Variants in LRRTM4 observed in about 807,000 individuals in gnomAD.
The protein encoded by LRRTM4 is leucine rich repeat transmembrane neuronal 4.
LRRTM4 carries 25 observed loss-of-function variants against 47.6 expected under a neutral mutation model. That is an observed-to-expected ratio of 0.53 (90% CI 0.38 to 0.73). The LOEUF (loss-of-function observed/expected upper bound fraction) is 0.73. Ranked by LOEUF, LRRTM4 falls within the 30% of genes least tolerant of loss-of-function variation. The pLI, the probability that LRRTM4 is intolerant of heterozygous loss-of-function variation, is 0.00. For missense variants in LRRTM4, 638 were observed against 713.4 expected, an observed-to-expected ratio of 0.89 and a Z score of 1.20; for synonymous variants, 311 against 269.5, an observed-to-expected ratio of 1.15 and a Z score of -1.51.
chr2:77,369,623 A>T (rs1413458105), intron 3 of LRRTM4, among the ~76,000 whole-genome samples: 3 of 151,774 alleles, frequency 2.0e-5, no homozygotes, highest in South Asian at 2.1e-4. Context: ...CTATACAGTT[A>T]TGGGTGCTTA....
chr2:76,989,151 C>A (rs57142792), intron 3 of LRRTM4, among the ~76,000 whole-genome samples: 3,407 of 151,762 alleles, frequency 0.022, 146 homozygotes, highest in African/African-American at 0.078. Flanking sequence ...TCCATTATTT[C>A]TCAATTGTTT....
intron 3 of LRRTM4, among the ~76,000 whole-genome samples, chr2:77,481,867 G>A (rs936660470): frequency 5.5e-5 from 5 of 90,732 alleles, no homozygotes; most frequent in Non-Finnish European, 8.0e-5. Context: ...GAGAGTGAAG[G>A]GTTTTTTTTT....
rs1255366184 is a variant in LRRTM4 at position 77,465,929 on chromosome 2, C to CTA, written c.1551+52388_1551+52389insTA. Among the ~76,000 whole-genome samples the CTA allele has an allele frequency of 7.9e-3, 1,203 of 152,228 alleles. 5 individuals are homozygous for CTA. Among genetic ancestry groups the CTA allele is most frequent in the Non-Finnish European group, 0.012 (786 of 67,998 alleles). On this transcript the variant is annotated intron_variant, in intron 3 of 3. Transcript: ENST00000409884. ...GCTGGCACCTAGGTAATGATAAAAG[C>CTA]AGCAGGCTTCTCAAATGCAATATGG...
At chr2:77,207,397 A>C (rs964320213) in intron 3 of LRRTM4, among the ~76,000 whole-genome samples, 18 of 147,684 alleles carry the variant, frequency 1.2e-4, no homozygotes, top group South Asian at 4.2e-4. Context: ...TTATATACAC[A>C]TATATATTTC....
At chr2:77,487,704 T>C (rs773407132) in intron 3 of LRRTM4, among the ~76,000 whole-genome samples, 1 of 152,114 alleles carries the variant, frequency 6.6e-6, no homozygotes, top group Non-Finnish European at 1.5e-5. Context: ...AGGCCTGAAG[T>C]CTGGGGACCA....
chr2:76,765,959 T>A (rs979149794), intron 3 of LRRTM4, among the ~76,000 whole-genome samples: 1 of 152,204 alleles, frequency 6.6e-6, no homozygotes, highest in Non-Finnish European at 1.5e-5. Context: ...GAAAGAGAGA[T>A]GAGTGAAATT....
chr2:77,375,485 AG>A (rs1672801524), intron 3 of LRRTM4, among the ~76,000 whole-genome samples: 1 of 151,780 alleles, frequency 6.6e-6, no homozygotes, highest in South Asian at 2.1e-4. Flanking sequence ...GACAAATTTA[AG>A]GGAACAAATA....
rs926794710 is a variant in LRRTM4, at chr2:76,893,327, G to C, written c.1552-144411C>G. Among the ~76,000 whole-genome samples, 3 of 151,574 alleles carry C rather than the reference G, an allele frequency of 2.0e-5. No homozygotes were observed. In the South Asian group the frequency reaches 6.2e-4, roughly 31 times the overall value. On this transcript the variant is annotated intron_variant, in intron 3 of 3. Coordinates refer to ENST00000409884, the MANE Select transcript of LRRTM4 (RefSeq NM_001134745.3). ...AAAATGGCAACTTTCCAAGAAAGGGGTGTTTTGTAAAAAGCCATTATTAAT... is the reference window on the plus strand; with the variant it reads ...AAAATGGCAACTTTCCAAGAAAGGGCTGTTTTGTAAAAAGCCATTATTAAT...
At chr2:77,172,021 A>C (rs1271529341) in intron 3 of LRRTM4, among the ~76,000 whole-genome samples, 1 of 152,214 alleles carries the variant, frequency 6.6e-6, no homozygotes, top group Non-Finnish European at 1.5e-5. Flanking sequence ...CGCTGCGATC[A>C]ACCTCAGCTA....
intron 3 of LRRTM4, among the ~76,000 whole-genome samples, chr2:77,045,912 C>T (rs1277219816): frequency 6.6e-6 from 1 of 151,862 alleles, no homozygotes; most frequent in African/African-American, 2.4e-5. Context: ...TTGGTTTGAA[C>T]AAAGATCCAA....
intron 3 of LRRTM4, among the ~76,000 whole-genome samples, chr2:76,766,901 A>G (rs1389865409): frequency 6.6e-6 from 1 of 152,188 alleles, no homozygotes; most frequent in Non-Finnish European, 1.5e-5. Flanking sequence ...CTAAAATGTC[A>G]AAAGTGCAGC....
intron 3 of LRRTM4, among the ~76,000 whole-genome samples, chr2:77,317,419 CTCT>C (rs147136769): frequency 6.6e-6 from 1 of 152,238 alleles, no homozygotes; most frequent in African/African-American, 2.4e-5. Context: ...TCTCTTTAGG[CTCT>C]TCTTGCTTTC....
At chr2:76,759,173 A>G (rs1673165114) in intron 3 of LRRTM4, among the ~76,000 whole-genome samples, 1 of 152,148 alleles carries the variant, frequency 6.6e-6, no homozygotes, top group African/African-American at 2.4e-5. Context: ...GAGTTTATTA[A>G]GAACTGACAG....
intron 3 of LRRTM4, among the ~76,000 whole-genome samples, chr2:77,221,094 C>A (rs1423456592): frequency 1.3e-5 from 2 of 152,138 alleles, no homozygotes; most frequent in Non-Finnish European, 2.9e-5. Flanking sequence ...AATTTCATAT[C>A]CAGCCAAACT....
intron 3 of LRRTM4, among the ~76,000 whole-genome samples, chr2:77,290,742 T>C (rs1242148624): frequency 6.6e-6 from 1 of 152,070 alleles, no homozygotes; most frequent in Admixed American, 6.6e-5. Context: ...GCCTCTAAAT[T>C]CCTTCACAAC....
At chr2:76,876,751 C>G (rs1046797610) in intron 3 of LRRTM4, among the ~76,000 whole-genome samples, 2 of 151,802 alleles carry the variant, frequency 1.3e-5, no homozygotes, top group African/African-American at 4.8e-5. Context: ...CTTATATGTA[C>G]CACTAACAAC....
At chr2:77,127,069 A>T (rs1249486224) in intron 3 of LRRTM4, among the ~76,000 whole-genome samples, 1 of 152,106 alleles carries the variant, frequency 6.6e-6, no homozygotes. Context: ...TATCCTCTAA[A>T]TATACTGAAA....
chr2:77,211,867 A>G (rs1196723437), intron 3 of LRRTM4, among the ~76,000 whole-genome samples: 1 of 152,062 alleles, frequency 6.6e-6, no homozygotes, highest in Non-Finnish European at 1.5e-5. Flanking sequence ...ATATATAGCT[A>G]TATTTCTTAA....
intron 3 of LRRTM4, among the ~76,000 whole-genome samples, chr2:77,504,913 T>A (rs140012459): frequency 0.016 from 2,487 of 151,542 alleles, 73 homozygotes; most frequent in African/African-American, 0.056. Flanking sequence ...AAATTTATAA[T>A]TTTTTCTCAG....
Sources: allele counts gnomAD v4.1 joint callset (sites outside exome capture counted in the v4.1 genomes callset), GRCh38; gene constraint gnomAD v4.1.1; transcripts MANE v1.5; gene names NCBI Gene and HGNC (gene_info 2026-07-23, HGNC 2026-07-21).